Variants in TMEM9 observed in about 807,000 individuals in gnomAD.
TMEM9 encodes the protein proton-transporting V-type ATPase complex assembly regulator TMEM9.
Under a neutral mutation model 22.8 loss-of-function variants are expected in TMEM9, and 13 were observed. The ratio of observed to expected loss-of-function variants is 0.57; its 90% CI spans 0.37 to 0.91. The LOEUF (loss-of-function observed/expected upper bound fraction) is 0.91. TMEM9 is among the 40% of genes least tolerant of loss of function. The probability of loss-of-function intolerance (pLI) is 0.01; values close to 1 mark genes in which losing one functional copy is unlikely to be tolerated. For synonymous variants in TMEM9, 88 were observed against 93.0 expected (o/e 0.95, Z 0.31); for missense variants, 182 against 238.1 (o/e 0.76, Z 1.55).
intron 1 of TMEM9, among the ~76,000 whole-genome samples, chr1:201,163,418 C>T (rs770620509): frequency 7.9e-5 from 12 of 152,176 alleles, no homozygotes; most frequent in Middle Eastern, 3.4e-3. Context: ...GGCAAAACCC[C>T]GTCTCTACTA....
At chr1:201,143,671 A>C in intron 4 of TMEM9, 149 bp downstream of exon 4, 1 of 683,914 alleles carries the variant, frequency 1.5e-6, no homozygotes, top group Non-Finnish European at 2.4e-6. Context: ...GTCCCTGCTG[A>C]GTCTGGGTGA....
chr1:201,151,923 G>A (rs1001781744), intron 1 of TMEM9, 71 bp from the exon 2 acceptor site: 24 of 1,193,942 alleles, frequency 2.0e-5, no homozygotes, highest in Admixed American at 3.4e-5. Context: ...GCTCTAGCAA[G>A]GTTGTCAACT....
chr1:201,138,049 T>G (rs375842277), intron 4 of TMEM9, among the ~76,000 whole-genome samples: 129 of 152,240 alleles, frequency 8.5e-4, no homozygotes, highest in African/African-American at 3.0e-3. Context: ...GGGGGCTGGA[T>G]TGCCTTCTCT....
At chr1:201,140,418 T>C (rs1161219383) in intron 4 of TMEM9, among the ~76,000 whole-genome samples, 1 of 152,204 alleles carries the variant, frequency 6.6e-6, no homozygotes, top group Non-Finnish European at 1.5e-5. Context: ...GCCCAGGGAT[T>C]ATGCCTAATG....
At chr1:201,141,734 A>G (rs1664544485) in intron 4 of TMEM9, among the ~76,000 whole-genome samples, 2 of 151,970 alleles carry the variant, frequency 1.3e-5, no homozygotes, top group South Asian at 4.1e-4. Context: ...TACCAAATCT[A>G]GCCCTTCTTC....
intron 2 of TMEM9, among the ~76,000 whole-genome samples, chr1:201,150,177 G>A (rs1665309167): frequency 6.6e-6 from 1 of 152,184 alleles, no homozygotes; most frequent in African/African-American, 2.4e-5. Flanking sequence ...TTGTTATCTG[G>A]TGAAGGGCTA....
chr1:201,162,694 A>G (rs970415999), intron 1 of TMEM9, among the ~76,000 whole-genome samples: 5 of 152,222 alleles, frequency 3.3e-5, no homozygotes, highest in African/African-American at 7.2e-5. Context: ...AAGAGTTCTT[A>G]ACACCAAAAG....
At chr1:201,136,059 C>G (rs923152854) in intron 4 of TMEM9, among the ~76,000 whole-genome samples, 1 of 152,156 alleles carries the variant, frequency 6.6e-6, no homozygotes, top group African/African-American at 2.4e-5. Context: ...CCCTGCCCCT[C>G]CCTGGGGCCT....
At chr1:201,142,227 A>G (rs1664585379) in intron 4 of TMEM9, among the ~76,000 whole-genome samples, 1 of 152,216 alleles carries the variant, frequency 6.6e-6, no homozygotes, top group East Asian at 1.9e-4. Flanking sequence ...CAGTCCAGGC[A>G]TGTGCGCAGG....
chr1:201,136,655 A>G (rs1265392195), intron 4 of TMEM9, among the ~76,000 whole-genome samples: 1 of 152,176 alleles, frequency 6.6e-6, no homozygotes. Context: ...GCTGCCGTCA[A>G]AAGCATCCTC....
chr1:201,138,207 C>T (rs908403182), intron 4 of TMEM9, among the ~76,000 whole-genome samples: 19 of 152,136 alleles, frequency 1.2e-4, no homozygotes, highest in Non-Finnish European at 2.5e-4. Flanking sequence ...CTCAGGGGAG[C>T]GTCTTGAGAA....
At position 201,135,641 on chromosome 1, in the gene TMEM9, T is replaced by G. The variant is rs778415176; in HGVS notation, c.*22A>C. On this transcript the variant is annotated 3_prime_UTR_variant, in exon 5 of 5. Coordinates refer to ENST00000367330, the MANE Select transcript of TMEM9 (RefSeq NM_001288565.2). ...GCTGGCAGCCATGGTGTTGGGGCCT[T>G]GACCCAACCACACCAGCCCATCTAG... 1.9e-6 allele frequency: 3 copies of G among 1,587,624 alleles called. No homozygotes were observed. Among genetic ancestry groups the G allele is most frequent in the Non-Finnish European group, 2.6e-6 (3 of 1,165,024 alleles).
At chr1:201,136,601 A>T (rs752980807) in intron 4 of TMEM9, among the ~76,000 whole-genome samples, 5 of 152,092 alleles carry the variant, frequency 3.3e-5, no homozygotes, top group Non-Finnish European at 5.9e-5. Flanking sequence ...CTTCCTCCCT[A>T]TCTGACTCTG....
intron 1 of TMEM9, among the ~76,000 whole-genome samples, chr1:201,167,577 C>G (rs1184418973): frequency 6.6e-6 from 1 of 152,182 alleles, no homozygotes; most frequent in Non-Finnish European, 1.5e-5. Context: ...TGACTGGCGA[C>G]CATTTATGTC....
At chr1:201,158,558 T>A (rs188958460), upstream of TMEM9, among the ~76,000 whole-genome samples, 107 of 151,452 alleles carry the variant, frequency 7.1e-4, no homozygotes, top group African/African-American at 2.5e-3. Flanking sequence ...GACAAGCGAA[T>A]GGGAAAGGAA....
chr1:201,151,519 CAA>C (rs1200700195), intron 2 of TMEM9, among the ~76,000 whole-genome samples: 1 of 152,186 alleles, frequency 6.6e-6, no homozygotes, highest in East Asian at 1.9e-4. Context: ...ATATTCAAAG[CAA>C]AACAACAAAA....
At chr1:201,166,311 C>T (rs1408653695) in intron 1 of TMEM9, among the ~76,000 whole-genome samples, 1 of 151,464 alleles carries the variant, frequency 6.6e-6, no homozygotes, top group Admixed American at 6.6e-5. Context: ...ATGAGCTTCA[C>T]AATCTTTTTC....
intron 2 of TMEM9, among the ~76,000 whole-genome samples, chr1:201,147,868 G>A (rs79688045): frequency 0.041 from 6,229 of 152,202 alleles, 277 homozygotes; most frequent in East Asian, 0.15. Context: ...CTCTCACCAG[G>A]AGGGCATGGC....
Position 201,146,835 on chromosome 1 carries a change from C to T in TMEM9, c.172G>A (p.Val58Met), listed in dbSNP as rs768289148. ...VSQKDCNCLH[V>M]VEPMPVPGHD... The stretch of plus-strand genomic sequence containing the variant: ...CCAGGCACTGGCATGGGCTCCACCA[C>T]GTGCAGGCAGTTGCTACAACAGAGA... The change falls in exon 3 of 5, where the codon GTG becomes ATG. Residue 58 changes from valine to methionine, a missense_variant. Physicochemically the swap from Val to Met is conservative, Grantham distance 21. Transcript: ENST00000367330. 7 of 1,614,060 alleles carry T rather than the reference C, an allele frequency of 4.3e-6. No homozygotes were observed. Among genetic ancestry groups the T allele is most frequent in the Middle Eastern group, 3.3e-4 (2 of 6,082 alleles).
Sources: gnomAD v4.1 joint callset for allele counts (sites outside exome capture counted in the v4.1 genomes callset) on GRCh38, gnomAD v4.1.1 for gene constraint, MANE v1.5 for transcripts, NCBI Gene and HGNC (gene_info 2026-07-23, HGNC 2026-07-21) for gene names.